The following HEATR4 variants were observed in gnomAD, a reference collection of about 807,000 sequenced individuals.
HEATR4 encodes HEAT repeat containing 4.
A neutral mutation model predicts 108.8 loss-of-function variants in HEATR4; 95 were observed. The ratio of observed to expected loss-of-function variants is 0.87; its 90% CI spans 0.74 to 1.04. The LOEUF (loss-of-function observed/expected upper bound fraction) is 1.04, where lower values mean the gene tolerates loss of function less well. HEATR4 is among the 50% of genes least tolerant of loss of function. The pLI, the probability that HEATR4 is intolerant of heterozygous loss-of-function variation, is 0.00. For missense variants in HEATR4, 1,152 were observed against 1,253.8 expected (o/e 0.92, Z 1.23); for synonymous variants, 443 against 459.4 (o/e 0.96, Z 0.46).
At chr14:73,589,094 C>G in the HEATR4 span, among the ~76,000 whole-genome samples, 2 of 152,076 alleles carry the variant, frequency 1.3e-5, no homozygotes, top group Non-Finnish European at 1.5e-5. Context: ...ATACCATTAT[C>G]ACCCCAAATC....
the HEATR4 span, chr14:73,595,779 C>T: frequency 3.8e-5 from 46 of 1,217,786 alleles, no homozygotes; most frequent in South Asian, 1.0e-4. Context: ...GTGTATTTTA[C>T]GTAACTTTGT....
chr14:73,604,164 C>CTTTTTTTTTTT, the HEATR4 span, among the ~76,000 whole-genome samples: 24 of 120,766 alleles, frequency 2.0e-4, 1 homozygote, highest in African/African-American at 3.6e-4. Context: ...TTGCTAATTT[C>CTTTTTTTTTTT]TTTTTTTTTT....
chr14:73,593,656 C>A, the HEATR4 span: 10 of 1,528,712 alleles, frequency 6.5e-6, no homozygotes, highest in African/African-American at 6.9e-5. Context: ...AAAGCAAATT[C>A]TTTAAATTGT....
At chr14:73,486,410 T>A (rs1566816864) in intron 17 of HEATR4, among the ~76,000 whole-genome samples, 2 of 152,178 alleles carry the variant, frequency 1.3e-5, no homozygotes, top group Non-Finnish European at 2.9e-5. Flanking sequence ...AGAAAAGAAC[T>A]TATGAGGCTG....
At chr14:73,562,023 G>A (rs993551539), upstream of HEATR4, among the ~76,000 whole-genome samples, 1 of 152,018 alleles carries the variant, frequency 6.6e-6, no homozygotes, top group South Asian at 2.1e-4. Context: ...ATATGGATGA[G>A]CCTTGAAGAC....
chr14:73,569,944 G>T, the HEATR4 span: 1 of 1,531,470 alleles, frequency 6.5e-7, no homozygotes, highest in Middle Eastern at 1.8e-4. Context: ...TGTCTCCCCC[G>T]CCCCACGCTT....
the HEATR4 span, chr14:73,595,022 C>G: frequency 1.9e-6 from 3 of 1,609,312 alleles, no homozygotes; most frequent in Non-Finnish European, 2.5e-6. Context: ...GTTATTGACT[C>G]AACTCTCCTC....
At chr14:73,594,772 C>A in the HEATR4 span, among the ~76,000 whole-genome samples, 1 of 152,160 alleles carries the variant, frequency 6.6e-6, no homozygotes, top group Non-Finnish European at 1.5e-5. Context: ...GCAATCTCGG[C>A]TCACTGCAAC....
the HEATR4 span, among the ~76,000 whole-genome samples, chr14:73,604,419 C>A: frequency 6.6e-6 from 1 of 151,898 alleles, no homozygotes; most frequent in South Asian, 2.1e-4. Flanking sequence ...CCCACCTCGG[C>A]CTCTGAAAAT....
At chr14:73,500,941 T>C (rs1220909074) in intron 11 of HEATR4, among the ~76,000 whole-genome samples, 3 of 152,224 alleles carry the variant, frequency 2.0e-5, no homozygotes, top group Non-Finnish European at 4.4e-5. Context: ...AATTAGGTAA[T>C]GCAGGGCTTT....
the HEATR4 span, among the ~76,000 whole-genome samples, chr14:73,589,819 C>T: frequency 4.0e-5 from 6 of 151,708 alleles, no homozygotes; most frequent in Non-Finnish European, 8.8e-5. Context: ...CTGATGTTCC[C>T]ATGTGCTCAG....
the HEATR4 span, among the ~76,000 whole-genome samples, chr14:73,597,894 T>C: frequency 6.6e-6 from 1 of 151,782 alleles, no homozygotes; most frequent in Admixed American, 6.6e-5. Flanking sequence ...GCCTGGCCTT[T>C]TATTTCTTTT....
In HEATR4 at chr14:73,543,730, G is replaced by A; in HGVS notation, c.-151-13486C>T. On this transcript the variant is annotated intron_variant, in intron 1 of 17. Transcript: ENST00000553558. ...TCTGCCACATTTAGTGTGTGTATGT[G>A]TATTCATTCTTTCTCATAACTTCTT... 3 of 742,592 alleles carry A rather than the reference G, an allele frequency of 4.0e-6. 1 individual carries two copies. The highest frequency in any genetic ancestry group is 5.4e-6 in the Non-Finnish European group (3 of 553,214). 46.0% of individuals were successfully genotyped at this position (742,592 alleles called of 1,614,324 possible). A position where few individuals can be genotyped will look rare whatever the true frequency, so the allele number is the denominator to read the frequency against.
the HEATR4 span, among the ~76,000 whole-genome samples, chr14:73,590,476 C>T: frequency 1.3e-5 from 2 of 152,200 alleles, no homozygotes; most frequent in African/African-American, 4.8e-5. Context: ...CGCCGTGCGC[C>T]CGCACTTCTC....
rs966695362 is a variant in HEATR4, at chr14:73,506,472, A to G, written c.1981T>C (p.Cys661Arg). The change falls in exon 10 of 18, where the codon TGC becomes CGC. Residue 661 changes from cysteine (C) to arginine (R), a missense_variant. Cys to Arg is a radical substitution (Grantham distance 180). Transcript: ENST00000553558. ...AGGCAAAGAAAGAGGTTTACCAAGC[A>G]GACATTTCCACTGATCCGGGAGAAA... ...QAFSRISGNV[C>R]LDMKHKLIQL... The G allele has an allele frequency of 3.1e-6, 5 of 1,612,684 alleles. No homozygotes were observed. Among genetic ancestry groups the G allele is most frequent in the Non-Finnish European group, 4.2e-6 (5 of 1,179,276 alleles).
the HEATR4 span, chr14:73,569,023 T>C: frequency 1.2e-5 from 7 of 602,592 alleles, no homozygotes; most frequent in Non-Finnish European, 2.0e-5. Flanking sequence ...GAACCAGCCC[T>C]GGTCCAGCCC....
rs1595164203 is a variant in HEATR4 at position 73,558,851 on chromosome 14, G to A, written c.-252C>T. The A allele has an allele frequency of 6.6e-6, 1 of 151,236 alleles. No individual in the cohort carries two copies. Among genetic ancestry groups the A allele is most frequent in the East Asian group, 1.9e-4 (1 of 5,132 alleles). 9.4% of individuals were successfully genotyped at this position (151,236 alleles called of 1,614,324 possible). On this transcript the variant is annotated 5_prime_UTR_variant, in exon 1 of 18. Coordinates refer to ENST00000553558, the MANE Select transcript of HEATR4 (RefSeq NM_001220484.1). ...CCTTTCAGATACTGGCAAAGGAGCA[G>A]TGTTTCAAAATTACTTTCCAAATGG...
At chr14:73,625,534 G>A in the HEATR4 span, among the ~76,000 whole-genome samples, 1 of 151,658 alleles carries the variant, frequency 6.6e-6, no homozygotes, top group African/African-American at 2.4e-5. Context: ...GCTAATTTTT[G>A]TATTTTTAGT....
the HEATR4 span, among the ~76,000 whole-genome samples, chr14:73,611,957 T>C: frequency 6.6e-6 from 1 of 152,124 alleles, no homozygotes; most frequent in Non-Finnish European, 1.5e-5. Flanking sequence ...TCTTGGACTG[T>C]ATCTCTCTCA....
Sources: gnomAD v4.1 joint callset for allele counts (sites outside exome capture counted in the v4.1 genomes callset) on GRCh38, gnomAD v4.1.1 for gene constraint, MANE v1.5 for transcripts, NCBI Gene and HGNC (gene_info 2026-07-23, HGNC 2026-07-21) for gene names.